SMARCB1: variants seen among roughly 807,000 people sequenced by gnomAD.
The protein encoded by SMARCB1 is SWI/SNF related BAF chromatin remodeling complex subunit B1, also known as SWI/SNF-related matrix-associated actin-dependent regulator of chromatin subfamily B member 1.
SMARCB1 carries 5 observed loss-of-function variants against 49.0 expected under a neutral mutation model. That is an observed-to-expected ratio of 0.10 (90% CI 0.05 to 0.21). The LOEUF is 0.21. SMARCB1 is among the 10% of genes least tolerant of loss of function. The probability of loss-of-function intolerance (pLI) is 1.00; values close to 1 mark genes in which losing one functional copy is unlikely to be tolerated. For missense variants in SMARCB1, 226 were observed against 509.2 expected (o/e 0.44, Z 5.35); for synonymous variants, 201 against 200.1 (o/e 1.00, Z -0.04).
chr22:23,800,336 T>C (rs738796), intron 3 of SMARCB1, among the ~76,000 whole-genome samples: 122,146 of 152,250 alleles, frequency 0.8, 50,660 homozygotes, highest in Non-Finnish European at 0.92. Context: ...CTTCTCAACT[T>C]CTACTGCTGT....
At chr22:23,796,715 CAT>C (rs1237054158) in intron 3 of SMARCB1, among the ~76,000 whole-genome samples, 8 of 152,252 alleles carry the variant, frequency 5.3e-5, no homozygotes, top group African/African-American at 1.7e-4. Context: ...TAATTCTGCA[CAT>C]GTCAGCTGGG....
At chr22:23,821,295 G>C (rs9612463) in intron 6 of SMARCB1, among the ~76,000 whole-genome samples, 1 of 152,188 alleles carries the variant, frequency 6.6e-6, no homozygotes, top group Non-Finnish European at 1.5e-5. Flanking sequence ...GCATTTTTCA[G>C]GCCAGAGGCC....
In SMARCB1 at chr22:23,812,804, TAGC is replaced by T. The variant is rs1601417089; in HGVS notation, c.629-3963_629-3961del. On this transcript the variant is annotated intron_variant, in intron 5 of 8. Transcript: ENST00000644036. ...ATGATAAAAATGCTCAGAAAAATAA[TAGC>T]AGGAAACTTCCTCCATTTAGTAAAG... Among the ~76,000 whole-genome samples, 5 of 151,010 alleles carry T rather than the reference TAGC, an allele frequency of 3.3e-5. No homozygotes were observed. In the South Asian group the frequency reaches 1.0e-3, roughly 32 times the overall value.
intron 7 of SMARCB1, among the ~76,000 whole-genome samples, chr22:23,833,035 C>T (rs1214004255): frequency 6.6e-6 from 1 of 151,670 alleles, no homozygotes; most frequent in Non-Finnish European, 1.5e-5. Context: ...AGGAGGTGGG[C>T]TGAGGGGCAA....
At chr22:23,807,444 A>T (rs982401548) in intron 5 of SMARCB1, among the ~76,000 whole-genome samples, 2 of 152,070 alleles carry the variant, frequency 1.3e-5, no homozygotes, top group Non-Finnish European at 2.9e-5. Context: ...ATGTGGTAGC[A>T]CGTGCCTGTG....
At chr22:23,832,881 G>A (rs1356817005) in intron 7 of SMARCB1, among the ~76,000 whole-genome samples, 4 of 152,230 alleles carry the variant, frequency 2.6e-5, no homozygotes, top group African/African-American at 9.6e-5. Flanking sequence ...TTTGGCAAGA[G>A]GAAGGTACCT....
At chr22:23,810,506 C>A (rs1601414456) in intron 5 of SMARCB1, among the ~76,000 whole-genome samples, 2 of 90,796 alleles carry the variant, frequency 2.2e-5, no homozygotes, top group Non-Finnish European at 3.9e-5. Flanking sequence ...CCAGCCTGGG[C>A]AACAGAGCAA....
In SMARCB1 at chr22:23,835,366, C is replaced by G; in HGVS notation, c.*1186C>G. 1.0e-6 allele frequency: 1 copy of G among 991,214 alleles called. No homozygotes were observed. The highest frequency in any genetic ancestry group is 1.2e-6 in the Non-Finnish European group (1 of 834,084). The allele number at this position is 991,214 out of a possible 1,614,324, so 61.4% of individuals were successfully genotyped here. A position where few individuals can be genotyped will look rare whatever the true frequency, so the allele number is the denominator to read the frequency against. On this transcript the variant is annotated 3_prime_UTR_variant, in exon 9 of 9. Transcript: ENST00000644036. Reference sequence around the variant, plus strand: ...TCCCAGCACAGACTGCTGCCACCCTCAGCTGTTGGCAGGTCCCATGCTGCC... The same window carrying G: ...TCCCAGCACAGACTGCTGCCACCCTGAGCTGTTGGCAGGTCCCATGCTGCC...
chr22:23,836,478 G>A lies in SMARCB1; in HGVS notation c.*2298G>A. ...GGCAGGTAGCAGAGGCCTATGGTGG[G>A]CAGGACTTGCCCAAGGCCCTGGTGG... On this transcript the variant is annotated 3_prime_UTR_variant, in exon 9 of 9. Coordinates refer to ENST00000644036, the MANE Select transcript of SMARCB1 (RefSeq NM_003073.5). The A allele has an allele frequency of 2.0e-6, 2 of 1,001,412 alleles. No homozygotes were observed. The highest frequency in any genetic ancestry group is 2.4e-6 in the Non-Finnish European group (2 of 841,058). 62.0% of individuals were successfully genotyped at this position (1,001,412 alleles called of 1,614,324 possible).
chr22:23,814,789 G>A (rs949678136), intron 5 of SMARCB1, among the ~76,000 whole-genome samples: 3 of 151,742 alleles, frequency 2.0e-5, no homozygotes, highest in African/African-American at 7.3e-5. Context: ...TGACCAACGT[G>A]GAGAAACCTC....
chr22:23,803,853 T>C (rs1929327899), intron 5 of SMARCB1: 2 of 290,626 alleles, frequency 6.9e-6, no homozygotes, highest in South Asian at 7.0e-5. Flanking sequence ...ACATCCTCAC[T>C]CTGTAAGTCC....
At chr22:23,788,229 T>C (rs954063372) in intron 1 of SMARCB1, among the ~76,000 whole-genome samples, 1 of 152,062 alleles carries the variant, frequency 6.6e-6, no homozygotes, top group Admixed American at 6.6e-5. Flanking sequence ...CCAAAGGCAG[T>C]CCCCAGCTAG....
chr22:23,827,704 A>T (rs2146031647), intron 7 of SMARCB1, among the ~76,000 whole-genome samples: 1 of 152,152 alleles, frequency 6.6e-6, no homozygotes, highest in African/African-American at 2.4e-5. Flanking sequence ...GGAACTGGGA[A>T]GTGTCCTGAG....
At chr22:23,807,973 T>A (rs1372508239) in intron 5 of SMARCB1, among the ~76,000 whole-genome samples, 1 of 133,440 alleles carries the variant, frequency 7.5e-6, no homozygotes, top group Non-Finnish European at 1.6e-5. Flanking sequence ...TTTTTTTTTT[T>A]TTTTTTGAGA....
intron 7 of SMARCB1, among the ~76,000 whole-genome samples, chr22:23,831,950 T>C (rs1220902470): frequency 6.6e-6 from 1 of 152,166 alleles, no homozygotes; most frequent in Admixed American, 6.5e-5. Context: ...GCGTCACCAG[T>C]ACGAGCTTGA....
At chr22:23,819,954 G>A (rs2029992349) in intron 6 of SMARCB1, among the ~76,000 whole-genome samples, 1 of 151,948 alleles carries the variant, frequency 6.6e-6, no homozygotes, top group Admixed American at 6.6e-5. Flanking sequence ...AGCCTCTCGA[G>A]GAGGAGCTGG....
chr22:23,787,389 C>T (rs1162417355), intron 1 of SMARCB1, 127 bp downstream of exon 1: 12 of 479,494 alleles, frequency 2.5e-5, no homozygotes, highest in Middle Eastern at 1.1e-3. Context: ...GCGCTCGGGG[C>T]TGTGGGGCGT....
At chr22:23,800,777 G>A (rs1236674983) in intron 3 of SMARCB1, among the ~76,000 whole-genome samples, 167 bp from the exon 4 acceptor site, 2 of 152,162 alleles carry the variant, frequency 1.3e-5, no homozygotes, top group African/African-American at 2.4e-5. Context: ...AGCATCTGAT[G>A]ACAGCCTGGG....
Position 23,787,024 on chromosome 22 carries a change from A to T in SMARCB1, c.-146A>T. On this transcript the variant is annotated 5_prime_UTR_variant, in exon 1 of 9. Transcript: ENST00000644036. ...TCGTCTGCGGCGGCGGCGGCGGCTG[A>T]GGAGCCCGGCTGAGGCGCCAGTACC... 1 of 528,030 alleles carries T rather than the reference A, an allele frequency of 1.9e-6. No individual in the cohort carries two copies. The highest frequency in any genetic ancestry group is 3.3e-6 in the Non-Finnish European group (1 of 303,190). 32.7% of individuals were successfully genotyped at this position (528,030 alleles called of 1,614,324 possible). A position where few individuals can be genotyped will look rare whatever the true frequency, so the allele number is the denominator to read the frequency against.
Sources: gnomAD v4.1 joint callset for allele counts (sites outside exome capture counted in the v4.1 genomes callset) on GRCh38, gnomAD v4.1.1 for gene constraint, MANE v1.5 for transcripts, NCBI Gene and HGNC (gene_info 2026-07-23, HGNC 2026-07-21) for gene names.